AMOT: variants seen among roughly 807,000 people sequenced by gnomAD.
The protein encoded by AMOT is angiomotin.
AMOT carries 11 observed loss-of-function variants against 67.0 expected under a neutral mutation model. That is an observed-to-expected ratio of 0.16 (90% confidence interval 0.10 to 0.27). The LOEUF (loss-of-function observed/expected upper bound fraction) is 0.27. AMOT is among the 10% of genes least tolerant of loss of function. The pLI is 1.00. For synonymous variants in AMOT, 326 were observed against 321.4 expected, an observed-to-expected ratio of 1.01 and a Z score of -0.15; for missense variants, 753 against 852.0, an observed-to-expected ratio of 0.88 and a Z score of 1.45.
Position 112,779,080 on chromosome X carries a change from G to A in AMOT, c.3074C>T (p.Ala1025Val). The stretch of plus-strand genomic sequence containing the variant: ...GGTAGCTGGACTTGCAGGAACCTCA[G>A]CCTGAGCCACAGCTGGAGTTGGAGT... ...APTPTPAVAQ[A>V]EVPASPATGP... Residue 1025 changes from alanine to valine, a missense_variant, in exon 13 of 14, where the codon GCT (alanine) becomes GTT (valine). Ala to Val is a moderately conservative substitution (Grantham distance 64). Around this residue, in one of 5 missense-constraint regions of AMOT, gnomAD observed 269 missense variants for 300.9 expected, o/e 0.89. Coordinates refer to ENST00000371959, the MANE Select transcript of AMOT (RefSeq NM_001113490.2). 8.3e-7 allele frequency: 1 copy of A among 1,206,042 alleles called. No individual in the cohort carries two copies. The highest frequency in any genetic ancestry group is 3.0e-5 in the East Asian group (1 of 33,861).
chrX:112,825,985 T>C (rs1360412987), intron 2 of AMOT, among the ~76,000 whole-genome samples: 1 of 109,212 alleles, frequency 9.2e-6, no homozygotes, highest in Non-Finnish European at 1.9e-5. Flanking sequence ...TCTTGGCACT[T>C]CCACTGCCCC....
chrX:112,796,834 T>A (rs1933835591), intron 8 of AMOT, among the ~76,000 whole-genome samples: 1 of 111,739 alleles, frequency 8.9e-6, no homozygotes, highest in South Asian at 3.8e-4. Flanking sequence ...CATCTTTGGT[T>A]GTCACAACTG....
intron 5 of AMOT, among the ~76,000 whole-genome samples, chrX:112,814,103 T>A (rs756872074): frequency 5.4e-5 from 6 of 110,157 alleles, no homozygotes; most frequent in African/African-American, 2.0e-4. Context: ...AGAAACCCCG[T>A]CTCTACTAAA....
At chrX:112,808,243 T>A in intron 7 of AMOT, among the ~76,000 whole-genome samples, 1 of 112,208 alleles carries the variant, frequency 8.9e-6, no homozygotes, top group South Asian at 3.8e-4. Flanking sequence ...CCAATTTGCA[T>A]ATGAGAAAAC....
At chrX:112,786,083 G>A (rs776291454) in intron 10 of AMOT, among the ~76,000 whole-genome samples, 35 of 111,524 alleles carry the variant, frequency 3.1e-4, no homozygotes, top group Non-Finnish European at 6.2e-4. Context: ...TTACTATTAC[G>A]GTTATTATCA....
At chrX:112,838,915 G>C (rs1057183481) in intron 1 of AMOT, among the ~76,000 whole-genome samples, 3 of 112,236 alleles carry the variant, frequency 2.7e-5, no homozygotes, top group African/African-American at 9.7e-5. Flanking sequence ...CAGAATAGTT[G>C]GAACCTTAGT....
In AMOT at chrX:112,833,936, A is replaced by G. The variant is rs750277425; in HGVS notation, c.-288-1566T>C. 3.6e-5 allele frequency among the ~76,000 whole-genome samples: 4 copies of G among 112,453 alleles called. No individual in the cohort carries two copies. The East Asian group carries it at 1.1e-3, about 31-fold the overall frequency. On this transcript the variant is annotated intron_variant, in intron 1 of 13. Coordinates refer to ENST00000371959, the MANE Select transcript of AMOT (RefSeq NM_001113490.2). ...TACATGCCCCTTGAAAACAACCAAA[A>G]TGAGTAAGGGATGTACTAATTAGCT...
intron 4 of AMOT, 82 bp downstream of exon 4, chrX:112,822,173 G>A (rs944163334): frequency 3.1e-5 from 33 of 1,051,547 alleles, no homozygotes; most frequent in South Asian, 1.8e-4. Flanking sequence ...ACACCTGCCC[G>A]TTCCTTCCCT....
At chrX:112,811,224 A>T in intron 6 of AMOT, 25 bp downstream of exon 6, 1 of 1,207,072 alleles carries the variant, frequency 8.3e-7, no homozygotes, top group Non-Finnish European at 1.1e-6. Context: ...CAGAAGTACA[A>T]AGACAAGTCT....
chrX:112,790,925 C>T, intron 9 of AMOT, 143 bp from the exon 10 acceptor site: 1 of 511,464 alleles, frequency 2.0e-6, no homozygotes, highest in Non-Finnish European at 2.8e-6. Context: ...TTCAGATCTC[C>T]TCCCAGGGCC....
intron 8 of AMOT, among the ~76,000 whole-genome samples, chrX:112,801,634 G>A (rs1198035230): frequency 8.9e-6 from 1 of 112,169 alleles, no homozygotes; most frequent in East Asian, 2.8e-4. Flanking sequence ...TTAGAGCACA[G>A]TGATTGTAGA....
intron 1 of AMOT, among the ~76,000 whole-genome samples, chrX:112,837,572 C>G (rs952158996): frequency 4.6e-5 from 5 of 109,645 alleles, no homozygotes; most frequent in African/African-American, 1.3e-4. Flanking sequence ...CCTCCTTTCT[C>G]TGGGTTAAAA....
At chrX:112,787,667 A>G (rs1221019827) in intron 10 of AMOT, among the ~76,000 whole-genome samples, 1 of 111,324 alleles carries the variant, frequency 9.0e-6, no homozygotes, top group Non-Finnish European at 1.9e-5. Context: ...AACCAATATC[A>G]TAATTGAAAA....
At chrX:112,813,216 C>G (rs567451953) in intron 5 of AMOT, among the ~76,000 whole-genome samples, 4 of 111,576 alleles carry the variant, frequency 3.6e-5, no homozygotes, top group Admixed American at 9.5e-5. Flanking sequence ...TCCCCTACCC[C>G]CTGTGTAGAT....
At chrX:112,811,569 C>CATA (rs1814627037) in intron 5 of AMOT, among the ~76,000 whole-genome samples, 176 bp from the exon 6 acceptor site, 1 of 111,277 alleles carries the variant, frequency 9.0e-6, no homozygotes, top group Non-Finnish European at 1.9e-5. Flanking sequence ...CACCTTCAAC[C>CATA]ATAAGCTTAG....
chrX:112,804,160 G>C (rs989486720), intron 8 of AMOT, among the ~76,000 whole-genome samples: 1 of 111,570 alleles, frequency 9.0e-6, no homozygotes, highest in Non-Finnish European at 1.9e-5. Context: ...ATGCTTAATA[G>C]TTTGGGGGCC....
intron 9 of AMOT, 83 bp downstream of exon 9, chrX:112,791,749 A>T: frequency 8.9e-7 from 1 of 1,127,393 alleles, no homozygotes; most frequent in Non-Finnish European, 1.2e-6. Context: ...TGTTCATGTC[A>T]AATGCTAACT....
rs201240502 is a variant in AMOT at position 112,805,109 on chromosome X, C to T, written c.1631-17G>A. On this transcript the variant is annotated splice_polypyrimidine_tract_variant and intron_variant, in intron 7 of 13. Transcript: ENST00000371959. ...TTTCTTTATCTGTCAGGACATTAAA[C>T]ATCAACACTGCCAGCCTGGAGCTAG... is the stretch of plus-strand genomic sequence containing the variant. The T allele has an allele frequency of 8.3e-7, 1 of 1,208,384 alleles. No homozygotes were observed. Among genetic ancestry groups the T allele is most frequent in the African/African-American group, 1.8e-5 (1 of 56,945 alleles).
Position 112,811,506 on chromosome X carries a change from C to G in AMOT, c.1393-113G>C. ...AGCTTCTCCCAGGGCTCACAGATGG[C>G]CAGGAGGCAAGCATAACACAGTCAG... On this transcript the variant is annotated intron_variant, in intron 5 of 13. Transcript: ENST00000371959. The G allele has an allele frequency of 3.5e-6, 3 of 849,317 alleles. No homozygotes were observed. The Admixed American group carries it at 8.0e-5, about 23-fold the overall frequency. The allele number at this position is 849,317 out of a possible 1,213,427, so 70.0% of individuals were successfully genotyped here. A position where few individuals can be genotyped will look rare whatever the true frequency, so the allele number is the denominator to read the frequency against.
Sources: gnomAD v4.1 joint callset for allele counts (sites outside exome capture counted in the v4.1 genomes callset) on GRCh38, gnomAD v4.1.1 for gene constraint, gnomAD v4.1.1 regional missense constraint, MANE v1.5 for transcripts, NCBI Gene and HGNC (gene_info 2026-07-23, HGNC 2026-07-21) for gene names.